Variants in LARGE1 observed in about 807,000 individuals in gnomAD.
The protein encoded by LARGE1 is xylosyl- and glucuronyltransferase LARGE1.
LARGE1 carries 43 observed loss-of-function variants against 87.6 expected under a neutral mutation model. That is an observed-to-expected ratio of 0.49 (90% CI 0.38 to 0.63). The LOEUF (loss-of-function observed/expected upper bound fraction) is 0.63. Among genes scored for constraint, LARGE1 ranks in the 30% least tolerant of loss-of-function variants. The pLI, the probability that LARGE1 is intolerant of heterozygous loss-of-function variation, is 0.00. For synonymous variants in LARGE1, 434 were observed against 394.6 expected (o/e 1.10, Z -1.18); for missense variants, 802 against 1,000.2 (o/e 0.80, Z 2.67).
intron 1 of LARGE1, among the ~76,000 whole-genome samples, chr22:33,888,098 G>A (rs951623012): frequency 2.0e-5 from 3 of 152,066 alleles, no homozygotes; most frequent in African/African-American, 4.8e-5. Context: ...CCACAGTCAG[G>A]CCCCTCTGCA....
chr22:33,222,541 T>TATCCGGGTA (rs1423777138), intron 11 of LARGE1, among the ~76,000 whole-genome samples: 1 of 152,224 alleles, frequency 6.6e-6, no homozygotes, highest in African/African-American at 2.4e-5. Flanking sequence ...TATCCTCGAT[T>TATCCGGGTA]ATCCGGGTAA....
intron 9 of LARGE1, among the ~76,000 whole-genome samples, chr22:33,355,238 C>A (rs1940781786): frequency 6.6e-6 from 1 of 152,178 alleles, no homozygotes; most frequent in South Asian, 2.1e-4. Flanking sequence ...CATTTCTGAC[C>A]TGGATACCTC....
chr22:33,368,485 GATC>G lies in LARGE1; in HGVS notation c.1131+13431_1131+13433del, dbSNP rs1371784074. Among the ~76,000 whole-genome samples, 3 of 135,208 alleles carry G rather than the reference GATC, an allele frequency of 2.2e-5. No individual in the cohort carries two copies. In the East Asian group the frequency reaches 7.0e-4, roughly 32 times the overall value. 88.7% of individuals were successfully genotyped at this position (135,208 alleles called of 152,430 possible). A position where few individuals can be genotyped will look rare whatever the true frequency, so the allele number is the denominator to read the frequency against. ...GGAAGTGAAGGTTGCAGTGAGCTGA[GATC>G]ATGCCACTGCACCACAGCCTGGGCA... On this transcript the variant is annotated intron_variant, in intron 9 of 14. Transcript: ENST00000397394.
chr22:33,250,220 T>C (rs887652823), intron 11 of LARGE1, among the ~76,000 whole-genome samples: 7 of 152,224 alleles, frequency 4.6e-5, no homozygotes, highest in Non-Finnish European at 7.4e-5. Context: ...TAGTTTCCCT[T>C]ATATAGACCT....
At chr22:33,905,072 T>A (rs2065404483) in intron 1 of LARGE1, among the ~76,000 whole-genome samples, 1 of 145,778 alleles carries the variant, frequency 6.9e-6, no homozygotes, top group Non-Finnish European at 1.5e-5. Context: ...CTTTTTTTTT[T>A]TTTTTTTTTT....
intron 11 of LARGE1, among the ~76,000 whole-genome samples, chr22:33,265,501 T>A (rs976501313): frequency 6.6e-6 from 1 of 152,150 alleles, no homozygotes; most frequent in Non-Finnish European, 1.5e-5. Flanking sequence ...TTACTAGGTG[T>A]CATCTGTCTT....
chr22:33,748,067 A>C, intron 2 of LARGE1, among the ~76,000 whole-genome samples: 1 of 138,652 alleles, frequency 7.2e-6, no homozygotes, highest in African/African-American at 2.7e-5. Flanking sequence ...ACTATCCATT[A>C]TCTAAGGCTC....
intron 11 of LARGE1, among the ~76,000 whole-genome samples, chr22:33,225,319 C>T (rs1925678872): frequency 6.6e-6 from 1 of 152,048 alleles, no homozygotes. Context: ...CTTGGGAGGA[C>T]CTTAGTTCAC....
chr22:33,876,861 GAA>G (rs548725379), intron 1 of LARGE1, among the ~76,000 whole-genome samples: 3 of 142,204 alleles, frequency 2.1e-5, no homozygotes, highest in Admixed American at 1.4e-4. Flanking sequence ...AAATGTACTG[GAA>G]AAAAAAAAAA....
chr22:33,806,360 G>A (rs1417112581), intron 1 of LARGE1, among the ~76,000 whole-genome samples: 2 of 152,212 alleles, frequency 1.3e-5, no homozygotes, highest in Admixed American at 6.5e-5. Context: ...TGAGCAAGCT[G>A]CAGTCCAAAA....
chr22:33,571,186 C>T (rs1439224520), intron 5 of LARGE1, among the ~76,000 whole-genome samples: 1 of 152,140 alleles, frequency 6.6e-6, no homozygotes, highest in Non-Finnish European at 1.5e-5. Flanking sequence ...TCACCTAATT[C>T]ACTTATGTAA....
At chr22:33,124,643 C>T in the LARGE1 span, among the ~76,000 whole-genome samples, 37 of 152,270 alleles carry the variant, frequency 2.4e-4, no homozygotes, top group Non-Finnish European at 4.0e-4. Context: ...GACCACCATC[C>T]TCTCTTCACT....
chr22:33,455,757 CAA>C (rs35353034), intron 6 of LARGE1, among the ~76,000 whole-genome samples: 13 of 64,220 alleles, frequency 2.0e-4, no homozygotes, highest in South Asian at 6.7e-4. Context: ...CTGTCTCAGC[CAA>C]AAAAAAAAAA....
intron 1 of LARGE1, among the ~76,000 whole-genome samples, chr22:33,814,947 G>A (rs186162126): frequency 1.1e-3 from 170 of 152,294 alleles, no homozygotes; most frequent in Non-Finnish European, 2.0e-3. Flanking sequence ...GGAACACACA[G>A]ACATTAAACG....
chr22:33,713,985 A>ACATAACATAACATAG (rs1369382072), intron 2 of LARGE1, among the ~76,000 whole-genome samples: 7 of 120,794 alleles, frequency 5.8e-5, no homozygotes. Context: ...ACATAACGTA[A>ACATAACATAACATAG]CATAACATAA....
intron 6 of LARGE1, among the ~76,000 whole-genome samples, chr22:33,458,347 G>A (rs894315245): frequency 5.9e-5 from 9 of 152,016 alleles, no homozygotes; most frequent in South Asian, 4.1e-4. Context: ...CTCATGATCC[G>A]CCCGCCTTGG....
At chr22:33,454,856 G>A (rs1488393948) in intron 6 of LARGE1, among the ~76,000 whole-genome samples, 3 of 152,102 alleles carry the variant, frequency 2.0e-5, no homozygotes, top group Non-Finnish European at 4.4e-5. Context: ...CATGAGAACA[G>A]CATGAAACGG....
chr22:33,091,066 C>A, the LARGE1 span, among the ~76,000 whole-genome samples: 2 of 152,164 alleles, frequency 1.3e-5, no homozygotes, highest in African/African-American at 4.8e-5. Flanking sequence ...CATGACAGCC[C>A]TTCAAATATT....
intron 10 of LARGE1, among the ~76,000 whole-genome samples, chr22:33,317,157 T>C (rs1936253365): frequency 6.6e-6 from 1 of 152,164 alleles, no homozygotes; most frequent in Admixed American, 6.5e-5. Flanking sequence ...GAGGTTGCAG[T>C]GAGCTGAGAT....
Sources: allele counts gnomAD v4.1 joint callset (sites outside exome capture counted in the v4.1 genomes callset), GRCh38; gene constraint gnomAD v4.1.1; transcripts MANE v1.5; gene names NCBI Gene and HGNC (gene_info 2026-07-23, HGNC 2026-07-21).